CPNE4: variants seen among roughly 807,000 people sequenced by gnomAD.
CPNE4 encodes copine-4.
A neutral mutation model predicts 67.9 loss-of-function variants in CPNE4; 25 were observed. The ratio of observed to expected loss-of-function variants is 0.37; its 90% confidence interval spans 0.27 to 0.51. CPNE4 has a LOEUF of 0.51. Ranked by LOEUF, CPNE4 falls within the 20% of genes least tolerant of loss-of-function variation. The probability of loss-of-function intolerance (pLI) is 0.93; values close to 1 mark genes in which losing one functional copy is unlikely to be tolerated. For missense variants in CPNE4, 464 were observed against 690.8 expected (o/e 0.67, Z 3.68); for synonymous variants, 242 against 244.9 (o/e 0.99, Z 0.11).
At chr3:131,639,485 C>T (rs541248174) in intron 7 of CPNE4, among the ~76,000 whole-genome samples, 6 of 152,036 alleles carry the variant, frequency 3.9e-5, no homozygotes, top group Non-Finnish European at 8.8e-5. Flanking sequence ...CTGAACAGAT[C>T]CATAGCAAGC....
intron 13 of CPNE4, 81 bp from the exon 14 acceptor site, chr3:131,550,161 A>G: frequency 1.4e-6 from 2 of 1,455,868 alleles, no homozygotes; most frequent in Admixed American, 1.8e-5. Context: ...AAAGTAAAGC[A>G]TTAAATATCC....
intron 1 of CPNE4, among the ~76,000 whole-genome samples, chr3:132,019,931 G>C (rs370030293): frequency 3.3e-5 from 5 of 152,254 alleles, no homozygotes; most frequent in Admixed American, 2.0e-4. Context: ...GCTGGGAAAG[G>C]CCATTTAAAC....
At chr3:131,984,899 C>A (rs2073005052) in intron 1 of CPNE4, among the ~76,000 whole-genome samples, 1 of 152,210 alleles carries the variant, frequency 6.6e-6, no homozygotes, top group South Asian at 2.1e-4. Flanking sequence ...TGGTAATCCA[C>A]TCCTTGTTGG....
At chr3:131,820,841 T>C (rs1259379740) in intron 2 of CPNE4, among the ~76,000 whole-genome samples, 3 of 152,234 alleles carry the variant, frequency 2.0e-5, no homozygotes, top group Admixed American at 1.3e-4. Context: ...TAACCAGTTC[T>C]GGTGAGCAGT....
rs1935063489 is a variant in CPNE4 at position 131,535,150 on chromosome 3, TAGC to T, written c.*42_*44del. The T allele has an allele frequency of 4.6e-6, 7 of 1,534,260 alleles. No individual in the cohort carries two copies. The highest frequency in any genetic ancestry group is 2.3e-5 in the East Asian group (1 of 43,540). On this transcript the variant is annotated 3_prime_UTR_variant, in exon 16 of 16. Transcript: ENST00000429747. ...AGTAGAAGTATTAAATATGAAATATTAGCAGGAATAGTATTTCAGAACTCTGTA... is the reference window on the plus strand; with the variant it reads ...AGTAGAAGTATTAAATATGAAATATTAGGAATAGTATTTCAGAACTCTGTA...
chr3:131,745,947 A>G (rs942408744), intron 2 of CPNE4, among the ~76,000 whole-genome samples: 2 of 152,138 alleles, frequency 1.3e-5, no homozygotes, highest in Non-Finnish European at 2.9e-5. Context: ...TATAGAAATT[A>G]TGTTAAACCT....
intron 1 of CPNE4, among the ~76,000 whole-genome samples, chr3:131,923,732 A>G (rs1299076444): frequency 1.5e-5 from 2 of 136,752 alleles, no homozygotes; most frequent in Non-Finnish European, 3.2e-5. Flanking sequence ...AAAAAAAATT[A>G]AAAAAAAATA....
At chr3:131,755,404 C>T (rs2082729438) in intron 2 of CPNE4, among the ~76,000 whole-genome samples, 2 of 152,102 alleles carry the variant, frequency 1.3e-5, no homozygotes, top group African/African-American at 4.8e-5. Flanking sequence ...TATTGCTGAA[C>T]TACAATAAAC....
chr3:131,891,850 A>T (rs1409536140), intron 2 of CPNE4, among the ~76,000 whole-genome samples: 6 of 152,104 alleles, frequency 3.9e-5, no homozygotes. Flanking sequence ...ACATGGCTTA[A>T]GCAAGACTGA....
chr3:131,769,910 T>C (rs1513383), intron 2 of CPNE4, among the ~76,000 whole-genome samples: 147,329 of 152,186 alleles, frequency 0.97, 71,470 homozygotes, highest in East Asian at 1. Context: ...GCTAATGGGA[T>C]AAAATTAAAG....
At chr3:131,719,140 G>C (rs1325807643) in intron 3 of CPNE4, among the ~76,000 whole-genome samples, 1 of 152,232 alleles carries the variant, frequency 6.6e-6, no homozygotes, top group African/African-American at 2.4e-5. Context: ...GAGATACACT[G>C]AACAAGTCAC....
intron 11 of CPNE4, among the ~76,000 whole-genome samples, chr3:131,559,266 G>T (rs1936630119): frequency 6.6e-6 from 1 of 151,920 alleles, no homozygotes; most frequent in African/African-American, 2.4e-5. Context: ...GAGTAATACT[G>T]CTAGACAAGT....
intron 1 of CPNE4, among the ~76,000 whole-genome samples, chr3:131,956,332 T>G (rs1180031394): frequency 6.6e-6 from 1 of 152,210 alleles, no homozygotes; most frequent in Non-Finnish European, 1.5e-5. Context: ...TGGCTTGATG[T>G]ATTTCTTATA....
rs112634060 is a variant in CPNE4 at position 132,017,088 on chromosome 3, G to C, written c.-2+17479C>G. Among the ~76,000 whole-genome samples the C allele has an allele frequency of 8.5e-3, 1,289 of 152,276 alleles. 22 individuals are homozygous for C. Among genetic ancestry groups the C allele is most frequent in the African/African-American group, 0.03 (1,232 of 41,554 alleles). Reference sequence around the variant, plus strand: ...TAATGCAGGACAAAAATGTCCCTCGGTAGCCAGAAGGTAGACCTGTTGTGA... The same window carrying C: ...TAATGCAGGACAAAAATGTCCCTCGCTAGCCAGAAGGTAGACCTGTTGTGA... On this transcript the variant is annotated intron_variant, in intron 1 of 15. Coordinates refer to ENST00000429747, the MANE Select transcript of CPNE4 (RefSeq NM_130808.3).
rs569903057 is a variant in CPNE4 at position 131,696,445 on chromosome 3, T to A, written c.507+97A>T. On this transcript the variant is annotated intron_variant, in intron 5 of 15. Coordinates refer to ENST00000429747, the MANE Select transcript of CPNE4 (RefSeq NM_130808.3). Reference sequence around the variant, plus strand: ...GAATTTTTGGATCTGTTTGATAATGTGGGTGGAAAGGGAAAAATAGTTGCA... The same window carrying A: ...GAATTTTTGGATCTGTTTGATAATGAGGGTGGAAAGGGAAAAATAGTTGCA... The A allele has an allele frequency of 2.7e-6, 3 of 1,116,234 alleles. No individual in the cohort carries two copies. In the East Asian group the frequency reaches 7.1e-5, roughly 27 times the overall value. 69.1% of individuals were successfully genotyped at this position (1,116,234 alleles called of 1,614,324 possible).
intron 7 of CPNE4, among the ~76,000 whole-genome samples, chr3:131,667,653 A>G (rs184092808): frequency 3.0e-4 from 44 of 147,320 alleles, no homozygotes; most frequent in African/African-American, 1.1e-3. Flanking sequence ...CTTTTCCTCT[A>G]TTCTTCCTTC....
intron 2 of CPNE4, among the ~76,000 whole-genome samples, chr3:131,803,119 C>T (rs1035586118): frequency 6.6e-6 from 1 of 152,096 alleles, no homozygotes; most frequent in African/African-American, 2.4e-5. Flanking sequence ...GCTTTGAAGC[C>T]AGAAATGTTT....
At chr3:131,624,633 A>G (rs533382761) in intron 7 of CPNE4, among the ~76,000 whole-genome samples, 9 of 152,264 alleles carry the variant, frequency 5.9e-5, no homozygotes, top group Admixed American at 5.9e-4. Flanking sequence ...CTATACATTG[A>G]GTTTCAACCC....
intron 2 of CPNE4, among the ~76,000 whole-genome samples, chr3:131,858,423 A>G (rs548145456): frequency 1.9e-4 from 29 of 152,266 alleles, no homozygotes; most frequent in Non-Finnish European, 3.5e-4. Flanking sequence ...GATCATCTAC[A>G]TAGAAACTTG....
Sources: gnomAD v4.1 joint callset for allele counts (sites outside exome capture counted in the v4.1 genomes callset) on GRCh38, gnomAD v4.1.1 for gene constraint, MANE v1.5 for transcripts, NCBI Gene and HGNC (gene_info 2026-07-23, HGNC 2026-07-21) for gene names.